The following CEP162 variants were observed in gnomAD, a reference collection of about 807,000 sequenced individuals.
The protein encoded by CEP162 is centrosomal protein 162.
A neutral mutation model predicts 169.2 loss-of-function variants in CEP162; 141 were observed. The ratio of observed to expected loss-of-function variants is 0.83; its 90% CI spans 0.73 to 0.96. CEP162 has a LOEUF of 0.96. Ranked by LOEUF, CEP162 falls within the 40% of genes least tolerant of loss-of-function variation. The probability of loss-of-function intolerance (pLI) is 0.00; values close to 1 mark genes in which losing one functional copy is unlikely to be tolerated. For missense variants in CEP162, 1,600 were observed against 1,587.2 expected, an observed-to-expected ratio of 1.01 and a Z score of -0.14; for synonymous variants, 540 against 526.4, an observed-to-expected ratio of 1.03 and a Z score of -0.35.
At chr6:84,197,564 G>A (rs982079032) in intron 9 of CEP162, among the ~76,000 whole-genome samples, 1 of 152,028 alleles carries the variant, frequency 6.6e-6, no homozygotes, top group African/African-American at 2.4e-5. Flanking sequence ...TGTAATCCCA[G>A]CACTTTGGGA....
intron 25 of CEP162, among the ~76,000 whole-genome samples, chr6:84,129,322 T>C (rs754430628): frequency 6.6e-6 from 1 of 152,204 alleles, no homozygotes; most frequent in Non-Finnish European, 1.5e-5. Context: ...TGTAAAAGCA[T>C]TCCTATTTCT....
chr6:84,160,897 T>C lies in CEP162; in HGVS notation c.2696A>G (p.Glu899Gly). Reference protein sequence around the residue: ...LKLEIEKLKAESGNPSIRQKI... With the variant: ...LKLEIEKLKAGSGNPSIRQKI... ...CTGCCGAATAGATGGATTCCCAGATTCAGCTTTCAGTTTCTCAATCTGTCA... is the reference window on the plus strand; with the variant it reads ...CTGCCGAATAGATGGATTCCCAGATCCAGCTTTCAGTTTCTCAATCTGTCA... Residue 899 changes from glutamate to glycine, a missense_variant, in exon 21 of 27, where the codon GAA becomes GGA. By Grantham distance (98) the Glu-to-Gly change is moderately conservative (BLOSUM62 -2). Transcript: ENST00000403245. 5.0e-6 allele frequency: 8 copies of C among 1,611,178 alleles called. No individual in the cohort carries two copies. The highest frequency in any genetic ancestry group is 5.9e-6 in the Non-Finnish European group (7 of 1,177,944).
At chr6:84,212,299 C>T (rs1318255152) in intron 6 of CEP162, among the ~76,000 whole-genome samples, 1 of 151,976 alleles carries the variant, frequency 6.6e-6, no homozygotes, top group Admixed American at 6.6e-5. Context: ...CTATTATATT[C>T]CTTAAAAGTA....
chr6:84,185,157 C>T (rs749008022), intron 13 of CEP162, 30 bp downstream of exon 13: 5 of 1,539,612 alleles, frequency 3.2e-6, no homozygotes, highest in Non-Finnish European at 4.5e-6. Flanking sequence ...GAAAGTAAAA[C>T]AATATACTAA....
At chr6:84,125,303 T>C (rs777290074) in intron 26 of CEP162, 27 bp from the exon 27 acceptor site, 3 of 1,591,770 alleles carry the variant, frequency 1.9e-6, no homozygotes, top group Non-Finnish European at 2.6e-6. Context: ...TCCACATTGC[T>C]GTTATAGTTC....
chr6:84,204,272 T>C (rs1390079762), intron 6 of CEP162, among the ~76,000 whole-genome samples, 176 bp from the exon 7 acceptor site: 27 of 152,208 alleles, frequency 1.8e-4, no homozygotes, highest in Admixed American at 1.5e-3. Context: ...CAACAGGATA[T>C]ACATTCTTCT....
chr6:84,156,602 C>T (rs1459450604), intron 21 of CEP162, among the ~76,000 whole-genome samples: 1 of 152,066 alleles, frequency 6.6e-6, no homozygotes, highest in African/African-American at 2.4e-5. Context: ...AAAGGGAACA[C>T]GTGTACACTG....
At chr6:84,150,568 T>G (rs1408514408) in intron 23 of CEP162, among the ~76,000 whole-genome samples, 1 of 152,128 alleles carries the variant, frequency 6.6e-6, no homozygotes. Context: ...TGAATGATAG[T>G]AAAAAGTCTA....
Position 84,174,813 on chromosome 6 carries a change from G to C in CEP162, c.1939C>G (p.Leu647Val). ...TTTAGTTCTTCCAACTTATTTTCTA[G>C]TTCTTTCTCCTTTTCTGAGAATGTG... ...KATFSEKEKE[L>V]ENKLEELKKQ... The change falls in exon 15 of 27, where the codon CTA becomes GTA. Residue 647 changes from leucine to valine, a missense_variant. Leu to Val is a conservative substitution (Grantham distance 32). Coordinates refer to ENST00000403245, the MANE Select transcript of CEP162 (RefSeq NM_014895.4). 6.3e-7 allele frequency: 1 copy of C among 1,594,220 alleles called. No homozygotes were observed.
chr6:84,211,214 T>TA (rs2099549265), intron 6 of CEP162, among the ~76,000 whole-genome samples: 1 of 150,906 alleles, frequency 6.6e-6, no homozygotes, highest in Non-Finnish European at 1.5e-5. Flanking sequence ...AATGAACTGT[T>TA]AGAGTGAAAG....
At chr6:84,126,780 A>G (rs531694272) in intron 25 of CEP162, among the ~76,000 whole-genome samples, 1 of 152,288 alleles carries the variant, frequency 6.6e-6, no homozygotes, top group East Asian at 1.9e-4. Context: ...CTGAAAATGA[A>G]GTTGGCACTT....
intron 7 of CEP162, among the ~76,000 whole-genome samples, chr6:84,202,140 AC>A (rs2099544774): frequency 1.3e-5 from 2 of 152,222 alleles, no homozygotes; most frequent in Non-Finnish European, 2.9e-5. Context: ...TTATAGCATT[AC>A]CAGTCTATTT....
At chr6:84,169,539 T>C (rs1301717552) in intron 17 of CEP162, 106 bp from the exon 18 acceptor site, 4 of 599,156 alleles carry the variant, frequency 6.7e-6, no homozygotes, top group Admixed American at 6.7e-5. Context: ...ACATTGAAAC[T>C]GTATGCATAA....
At chr6:84,154,926 C>G (rs1453345938) in intron 22 of CEP162, among the ~76,000 whole-genome samples, 4 of 152,114 alleles carry the variant, frequency 2.6e-5, no homozygotes, top group African/African-American at 7.2e-5. Flanking sequence ...CTGTCTTATT[C>G]CCTTACCCTT....
At chr6:84,154,370 A>G (rs750295370) in intron 22 of CEP162, among the ~76,000 whole-genome samples, 2 of 136,962 alleles carry the variant, frequency 1.5e-5, no homozygotes, top group South Asian at 2.5e-4. Context: ...CTATCTATCT[A>G]TCTATCTACC....
chr6:84,226,107 C>T (rs1413283783), intron 2 of CEP162, among the ~76,000 whole-genome samples: 1 of 151,280 alleles, frequency 6.6e-6, no homozygotes. Context: ...GGAACAGAGT[C>T]TGACTGCAGT....
chr6:84,207,967 G>A (rs897708793), intron 6 of CEP162, among the ~76,000 whole-genome samples: 31 of 150,172 alleles, frequency 2.1e-4, no homozygotes, highest in African/African-American at 6.9e-4. Context: ...AAGGACCTTT[G>A]TGAAATCTTG....
chr6:84,202,277 G>A (rs1206971494), intron 7 of CEP162, among the ~76,000 whole-genome samples: 1 of 152,058 alleles, frequency 6.6e-6, no homozygotes, highest in Non-Finnish European at 1.5e-5. Flanking sequence ...CAATATTAGA[G>A]GTTCCCTTAG....
At chr6:84,133,313 C>T (rs565545190) in intron 25 of CEP162, among the ~76,000 whole-genome samples, 1 of 152,312 alleles carries the variant, frequency 6.6e-6, no homozygotes, top group South Asian at 2.1e-4. Flanking sequence ...GTGTCAGGGA[C>T]CCACTTGAGG....
Sources: allele counts gnomAD v4.1 joint callset (sites outside exome capture counted in the v4.1 genomes callset), GRCh38; gene constraint gnomAD v4.1.1; transcripts MANE v1.5; gene names NCBI Gene and HGNC (gene_info 2026-07-23, HGNC 2026-07-21).